The following NRXN1 variants were observed in gnomAD, a reference collection of about 807,000 sequenced individuals.
NRXN1 encodes the protein neurexin 1, also known as neurexin-1.
NRXN1 carries 39 observed loss-of-function variants against 150.9 expected under a neutral mutation model. The observed-to-expected ratio is 0.26, with a 90% CI of 0.20 to 0.34. The LOEUF (loss-of-function observed/expected upper bound fraction) is 0.34. NRXN1 is among the 10% of genes least tolerant of loss of function. NRXN1 has a pLI of 1.00. For synonymous variants in NRXN1, 924 were observed against 757.0 expected (o/e 1.22, Z -3.62); for missense variants, 1,815 against 1,949.9 (o/e 0.93, Z 1.30).
chr2:50,129,783 G>T (rs1705196988), intron 18 of NRXN1, among the ~76,000 whole-genome samples: 3 of 151,962 alleles, frequency 2.0e-5, no homozygotes. Flanking sequence ...AAGCCACTTT[G>T]GCCACTCCAA....
At chr2:50,420,416 T>C (rs375315967) in intron 17 of NRXN1, among the ~76,000 whole-genome samples, 1,810 of 149,770 alleles carry the variant, frequency 0.012, 18 homozygotes, top group Non-Finnish European at 0.018. Flanking sequence ...CACACACACA[T>C]ACACACACAC....
intron 2 of NRXN1, among the ~76,000 whole-genome samples, chr2:50,966,253 T>C (rs1318750139): frequency 6.6e-6 from 1 of 151,356 alleles, no homozygotes; most frequent in Non-Finnish European, 1.5e-5. Context: ...TGTTATAAAA[T>C]GTCAGGTGCT....
intron 17 of NRXN1, among the ~76,000 whole-genome samples, chr2:50,251,777 G>C (rs1188715932): frequency 2.6e-5 from 4 of 152,156 alleles, no homozygotes. Context: ...TTTCTCTAAT[G>C]ATCAGTGATG....
intron 17 of NRXN1, among the ~76,000 whole-genome samples, chr2:50,311,239 A>T (rs958736705): frequency 7.2e-5 from 11 of 152,074 alleles, no homozygotes; most frequent in Non-Finnish European, 1.6e-4. Context: ...ATCAAATCAC[A>T]ATGAAGTTTC....
chr2:50,968,770 A>G (rs1457565078), intron 2 of NRXN1, among the ~76,000 whole-genome samples: 4 of 152,108 alleles, frequency 2.6e-5, no homozygotes, highest in African/African-American at 9.7e-5. Flanking sequence ...CTCTCAACAC[A>G]TAATAGTTGA....
chr2:50,100,469 G>A (rs536138038), intron 18 of NRXN1, among the ~76,000 whole-genome samples: 12 of 152,182 alleles, frequency 7.9e-5, no homozygotes, highest in African/African-American at 2.9e-4. Context: ...ACTGGCTGCT[G>A]GATCTTTGAA....
At chr2:50,848,839 T>G (rs967255171) in intron 5 of NRXN1, among the ~76,000 whole-genome samples, 1 of 152,116 alleles carries the variant, frequency 6.6e-6, no homozygotes, top group African/African-American at 2.4e-5. Flanking sequence ...ATAAACTGGC[T>G]GCTTTAAGGA....
chr2:50,920,739 G>C (rs576432019), intron 5 of NRXN1, among the ~76,000 whole-genome samples: 3 of 151,854 alleles, frequency 2.0e-5, no homozygotes, highest in South Asian at 4.1e-4. Flanking sequence ...CATTTGCATA[G>C]TTGCTAGAGG....
At chr2:50,044,665 TTGTTGATG>T (rs1487738500) in intron 21 of NRXN1, among the ~76,000 whole-genome samples, 1 of 152,210 alleles carries the variant, frequency 6.6e-6, no homozygotes, top group Non-Finnish European at 1.5e-5. Flanking sequence ...AGCTTTGCTA[TTGTTGATG>T]TAGGGCACTT....
intron 5 of NRXN1, among the ~76,000 whole-genome samples, chr2:50,658,312 C>T (rs1686785323): frequency 6.6e-6 from 1 of 151,400 alleles, no homozygotes. Flanking sequence ...TTGACCTGCC[C>T]AATGCGACAT....
chr2:49,987,849 T>C (rs1277827409), intron 21 of NRXN1, among the ~76,000 whole-genome samples: 1 of 152,052 alleles, frequency 6.6e-6, no homozygotes, highest in Non-Finnish European at 1.5e-5. Flanking sequence ...CTATAAAATT[T>C]ATCCTAACAT....
chr2:50,404,091 C>CT (rs1389798800), intron 17 of NRXN1, among the ~76,000 whole-genome samples: 2 of 152,114 alleles, frequency 1.3e-5, no homozygotes, highest in African/African-American at 4.8e-5. Context: ...CCCCCTACCA[C>CT]TTACCCTAAG....
intron 17 of NRXN1, among the ~76,000 whole-genome samples, chr2:50,273,757 CA>C (rs367761816): frequency 6.6e-5 from 10 of 151,922 alleles, no homozygotes; most frequent in African/African-American, 2.2e-4. Context: ...TTTATGCAGC[CA>C]AAAAACATAT....
chr2:50,156,674 C>T (rs766226707), intron 18 of NRXN1, among the ~76,000 whole-genome samples: 22 of 151,968 alleles, frequency 1.4e-4, no homozygotes, highest in Middle Eastern at 3.4e-3. Flanking sequence ...AAGTTTCACA[C>T]GCCATGTTTT....
chr2:50,813,056 G>C (rs1253186283), intron 5 of NRXN1, among the ~76,000 whole-genome samples: 3 of 151,848 alleles, frequency 2.0e-5, no homozygotes, highest in Non-Finnish European at 4.4e-5. Context: ...TTAGCCATTG[G>C]AGCAGTGCAT....
chr2:50,157,989 C>A (rs2152781428), intron 18 of NRXN1, among the ~76,000 whole-genome samples: 1 of 143,656 alleles, frequency 7.0e-6, no homozygotes, highest in Non-Finnish European at 1.5e-5. Context: ...GGGAGAGAAA[C>A]AAGGAGGGCA....
At chr2:50,625,226 A>C (rs1446187720) in intron 5 of NRXN1, among the ~76,000 whole-genome samples, 1 of 152,070 alleles carries the variant, frequency 6.6e-6, no homozygotes, top group Non-Finnish European at 1.5e-5. Context: ...TCAACGCATC[A>C]GTGCCAGATG....
intron 2 of NRXN1, among the ~76,000 whole-genome samples, chr2:51,016,903 A>T (rs1269599156): frequency 6.6e-6 from 1 of 152,176 alleles, no homozygotes; most frequent in African/African-American, 2.4e-5. Flanking sequence ...GCACATATAT[A>T]CCATGGAATA....
At chr2:50,449,965 C>G (rs1044888107) in intron 17 of NRXN1, among the ~76,000 whole-genome samples, 1 of 152,152 alleles carries the variant, frequency 6.6e-6, no homozygotes, top group African/African-American at 2.4e-5. Context: ...TTGTCTATGG[C>G]CACACAGATG....
Sources: allele counts gnomAD v4.1 joint callset (sites outside exome capture counted in the v4.1 genomes callset), GRCh38; gene constraint gnomAD v4.1.1; transcripts MANE v1.5; gene names NCBI Gene and HGNC (gene_info 2026-07-23, HGNC 2026-07-21).